Variants in SDHC observed in about 807,000 individuals in gnomAD.
SDHC encodes the protein succinate dehydrogenase cytochrome b560 subunit, mitochondrial.
Under a neutral mutation model 22.6 loss-of-function variants are expected in SDHC, and 11 were observed. That is an observed-to-expected ratio of 0.49 (90% CI 0.31 to 0.81). The LOEUF is 0.81. Ranked by LOEUF, SDHC falls within the 30% of genes least tolerant of loss-of-function variation. The pLI, the probability that SDHC is intolerant of heterozygous loss-of-function variation, is 0.05. For missense variants in SDHC, 160 were observed against 212.0 expected (o/e 0.75, Z 1.52); for synonymous variants, 80 against 77.8 (o/e 1.03, Z -0.15).
chr1:161,339,662 GTTTTTTTTTTTTTTTT>G (rs532317918), intron 3 of SDHC: 12 of 50,064 alleles, frequency 2.4e-4, no homozygotes, highest in East Asian at 9.1e-4. Context: ...TGATACAGGT[GTTTTTTTTTTTTTTTT>G]TTTTTTTTTT....
At chr1:161,358,032 C>CTTTTTTTT (rs34253350) in intron 5 of SDHC, among the ~76,000 whole-genome samples, 2 of 104,830 alleles carry the variant, frequency 1.9e-5, no homozygotes, top group Non-Finnish European at 1.9e-5. Context: ...GGTTAGGAAT[C>CTTTTTTTT]TTTTTTTTTT....
chr1:161,327,404 ATGT>A (rs1671097112), intron 2 of SDHC, among the ~76,000 whole-genome samples: 1 of 152,130 alleles, frequency 6.6e-6, no homozygotes, highest in Non-Finnish European at 1.5e-5. Context: ...TTGAAAGCAT[ATGT>A]TGTTATGGGT....
intron 4 of SDHC, among the ~76,000 whole-genome samples, chr1:161,351,474 G>A (rs1672093941): frequency 6.6e-6 from 1 of 152,094 alleles, no homozygotes; most frequent in African/African-American, 2.4e-5. Context: ...TCCTAATACA[G>A]GCTTGGTGGT....
chr1:161,360,823 T>C (rs1210300763), intron 5 of SDHC, among the ~76,000 whole-genome samples: 5 of 150,528 alleles, frequency 3.3e-5, no homozygotes, highest in Non-Finnish European at 5.9e-5. Context: ...ATAGAAAATA[T>C]AGGCTGGGGC....
chr1:161,327,760 C>T (rs977427289), intron 2 of SDHC, among the ~76,000 whole-genome samples: 1 of 151,886 alleles, frequency 6.6e-6, no homozygotes, highest in Non-Finnish European at 1.5e-5. Context: ...GATGGGGTTT[C>T]ACCGTGTTGG....
chr1:161,358,961 T>TGG lies in SDHC; in HGVS notation c.405+2125_405+2126dup, dbSNP rs1308040875. Among the ~76,000 whole-genome samples the TGG allele has an allele frequency of 9.5e-5, 14 of 146,622 alleles. No homozygotes were observed. The East Asian group carries it at 2.8e-3, about 30-fold the overall frequency. ...AAAAAAAAAAAATACAAAAATTAGC[T>TGG]GGGGGTGGTGGCATGTGCCTGTAAT... is the stretch of plus-strand genomic sequence containing the variant. On this transcript the variant is annotated intron_variant, in intron 5 of 5. Transcript: ENST00000367975.
At chr1:161,332,947 T>C (rs1036309182) in intron 3 of SDHC, among the ~76,000 whole-genome samples, 11 of 152,158 alleles carry the variant, frequency 7.2e-5, no homozygotes, top group African/African-American at 2.7e-4. Flanking sequence ...TTAGAATGTT[T>C]TCATCACTCC....
At chr1:161,360,783 G>T (rs1205470522) in intron 5 of SDHC, among the ~76,000 whole-genome samples, 1 of 151,928 alleles carries the variant, frequency 6.6e-6, no homozygotes, top group African/African-American at 2.4e-5. Flanking sequence ...TTAGTGGCAT[G>T]CTACCAACAA....
chr1:161,358,324 G>A (rs1042529300), intron 5 of SDHC, among the ~76,000 whole-genome samples: 1 of 151,488 alleles, frequency 6.6e-6, no homozygotes, highest in African/African-American at 2.4e-5. Flanking sequence ...GTAGAGATGG[G>A]GTTTCACCAT....
intron 3 of SDHC, among the ~76,000 whole-genome samples, chr1:161,329,999 CTTTAA>C (rs1367438616): frequency 1.3e-5 from 2 of 152,176 alleles, no homozygotes; most frequent in East Asian, 1.9e-4. Flanking sequence ...ATCTCAAGGT[CTTTAA>C]TTTAATAATA....
chr1:161,354,663 TTGTGTGTGTG>T (rs60151629), intron 4 of SDHC, among the ~76,000 whole-genome samples: 4,837 of 116,610 alleles, frequency 0.041, 262 homozygotes, highest in African/African-American at 0.13. Context: ...TCTTATTTCT[TTGTGTGTGTG>T]TGTGTGTGTG....
intron 4 of SDHC, among the ~76,000 whole-genome samples, chr1:161,348,452 C>T (rs760120262): frequency 1.6e-4 from 24 of 151,762 alleles, no homozygotes; most frequent in Admixed American, 2.6e-4. Flanking sequence ...AGCTACTGCG[C>T]CTGGCCTGCA....
rs1342059479 is a variant in SDHC, at chr1:161,356,823, A to T, written c.388A>T (p.Asn130Tyr). Residue 130 changes from asparagine (N) to tyrosine (Y), a missense_variant, in exon 5 of 6, where the codon AAT becomes TAT. Coordinates refer to ENST00000367975, the MANE Select transcript of SDHC (RefSeq NM_003001.5). ...CTTCCCTCTCATGTATCATACCTGG[A>T]ATGGGATCCGACACTTGGTAAGTTA... is the stretch of plus-strand genomic sequence containing the variant. ...LVFPLMYHTW[N>Y]GIRHLMWDLG... is the part of the protein sequence containing the mutation. 1 of 1,614,050 alleles carries T rather than the reference A, an allele frequency of 6.2e-7. No individual in the cohort carries two copies. Among genetic ancestry groups the T allele is most frequent in the South Asian group, 1.1e-5 (1 of 91,064 alleles).
intron 1 of SDHC, chr1:161,314,656 C>T: frequency 1.7e-6 from 1 of 595,266 alleles, no homozygotes; most frequent in African/African-American, 1.9e-5. Flanking sequence ...GGGCCCTCGG[C>T]TCTCGCCCCT....
At position 161,328,080 on chromosome 1, in the gene SDHC, C is replaced by T. The variant is rs529962706; in HGVS notation, c.78-316C>T. ...GTGCGATGGCGCAATCTTGGCTCACCGCAACCTCTGCCTCCTGGGTTCAAG... is the reference window on the plus strand; with the variant it reads ...GTGCGATGGCGCAATCTTGGCTCACTGCAACCTCTGCCTCCTGGGTTCAAG... On this transcript the variant is annotated intron_variant, in intron 2 of 5. Transcript: ENST00000367975. Among the ~76,000 whole-genome samples, 9 of 150,846 alleles carry T rather than the reference C, an allele frequency of 6.0e-5. No homozygotes were observed. In the South Asian group the frequency reaches 8.4e-4, roughly 14 times the overall value.
chr1:161,362,275 T>C (rs1202046801), intron 5 of SDHC, 54 bp from the exon 6 acceptor site: 6 of 1,577,456 alleles, frequency 3.8e-6, no homozygotes, highest in Non-Finnish European at 4.3e-6. Flanking sequence ...AGACAGGAAC[T>C]GTTAATGTCC....
chr1:161,359,969 T>A (rs1241081818), intron 5 of SDHC, among the ~76,000 whole-genome samples: 1 of 152,006 alleles, frequency 6.6e-6, no homozygotes, highest in Non-Finnish European at 1.5e-5. Context: ...TCTGCTTGAC[T>A]CCTAATCTCC....
At chr1:161,336,578 G>C (rs1671491930) in intron 3 of SDHC, among the ~76,000 whole-genome samples, 1 of 152,134 alleles carries the variant, frequency 6.6e-6, no homozygotes, top group Admixed American at 6.6e-5. Context: ...AATGGTTGTA[G>C]GTTGGTGAGG....
chr1:161,362,788 T>A lies in SDHC; in HGVS notation c.*355T>A. 1 of 450,772 alleles carries A rather than the reference T, an allele frequency of 2.2e-6. No individual in the cohort carries two copies. Among genetic ancestry groups the A allele is most frequent in the South Asian group, 2.1e-5 (1 of 47,394 alleles). The allele number at this position is 450,772 out of a possible 1,614,324, so 27.9% of individuals were successfully genotyped here. A position where few individuals can be genotyped will look rare whatever the true frequency, so the allele number is the denominator to read the frequency against. Reference sequence around the variant, plus strand: ...GACAGTGGAAACAATGCCAGCTCTGTGGCTTCTGCCCTGGGGATGGGCCGG... The same window carrying A: ...GACAGTGGAAACAATGCCAGCTCTGAGGCTTCTGCCCTGGGGATGGGCCGG... On this transcript the variant is annotated 3_prime_UTR_variant, in exon 6 of 6. Coordinates refer to ENST00000367975, the MANE Select transcript of SDHC (RefSeq NM_003001.5).
Sources: gnomAD v4.1 joint callset for allele counts (sites outside exome capture counted in the v4.1 genomes callset) on GRCh38, gnomAD v4.1.1 for gene constraint, MANE v1.5 for transcripts, NCBI Gene and HGNC (gene_info 2026-07-23, HGNC 2026-07-21) for gene names.